Variants in ADAM22 observed in about 807,000 individuals in gnomAD.
ADAM22 encodes the protein ADAM metallopeptidase domain 22.
ADAM22 carries 65 observed loss-of-function variants against 144.6 expected under a neutral mutation model. That is an observed-to-expected ratio of 0.45 (90% CI 0.37 to 0.55). The LOEUF (loss-of-function observed/expected upper bound fraction) is 0.55, where lower values mean the gene tolerates loss of function less well. ADAM22 is among the 20% of genes least tolerant of loss of function. The pLI, the probability that ADAM22 is intolerant of heterozygous loss-of-function variation, is 0.00. For missense variants in ADAM22, 974 were observed against 1,184.9 expected (o/e 0.82, Z 2.61); for synonymous variants, 391 against 412.6 (o/e 0.95, Z 0.63).
At position 88,202,178 on chromosome 7, in the gene ADAM22, A is replaced by C. The variant is rs1384426861; in HGVS notation, c.*5687A>C. The C allele has an allele frequency of 3.3e-5, 5 of 152,222 alleles. No individual in the cohort carries two copies. The highest frequency in any genetic ancestry group is 5.9e-5 in the Non-Finnish European group (4 of 68,034). 9.4% of individuals were successfully genotyped at this position (152,222 alleles called of 1,614,324 possible). ...TCTGATTCTACAACCAGTCTTTTTA[A>C]AGGGCAAAAATGACTCAACACCTTT... On this transcript the variant is annotated 3_prime_UTR_variant, in exon 32 of 32. Coordinates refer to ENST00000413139, the MANE Select transcript of ADAM22 (RefSeq NM_001324418.2).
At chr7:87,989,522 T>C (rs1436978160) in intron 3 of ADAM22, among the ~76,000 whole-genome samples, 2 of 152,204 alleles carry the variant, frequency 1.3e-5, no homozygotes, top group African/African-American at 2.4e-5. Context: ...CTGTATAGTA[T>C]TCATACTCAT....
intron 3 of ADAM22, among the ~76,000 whole-genome samples, chr7:87,992,491 G>C (rs1790143173): frequency 6.6e-6 from 1 of 152,208 alleles, no homozygotes; most frequent in African/African-American, 2.4e-5. Flanking sequence ...TTTGATAGCA[G>C]TATGGAAGTT....
At chr7:87,961,827 C>A (rs895061365) in intron 2 of ADAM22, among the ~76,000 whole-genome samples, 26 of 152,132 alleles carry the variant, frequency 1.7e-4, no homozygotes, top group Non-Finnish European at 3.4e-4. Flanking sequence ...GATGATTCAG[C>A]ATTGGAACAG....
Position 88,175,547 on chromosome 7 carries a change from A to AT in ADAM22, c.2301-3387dup, listed in dbSNP as rs1279420859. Among the ~76,000 whole-genome samples the AT allele has an allele frequency of 3.3e-5, 5 of 152,208 alleles. No homozygotes were observed. The East Asian group carries it at 9.6e-4, about 29-fold the overall frequency. On this transcript the variant is annotated intron_variant, in intron 26 of 31. Transcript: ENST00000413139. Reference sequence around the variant, plus strand: ...TTTGAGGGGGAAAAAAACTAGTTACATAAGTGTTTATTATATTTTGGCTAT... The same window carrying AT: ...TTTGAGGGGGAAAAAAACTAGTTACATTAAGTGTTTATTATATTTTGGCTAT...
intron 22 of ADAM22, among the ~76,000 whole-genome samples, chr7:88,159,860 C>T (rs1253043056): frequency 6.6e-6 from 1 of 152,152 alleles, no homozygotes. Context: ...AAGATGTCCT[C>T]TCTCACCACT....
At chr7:87,997,881 C>G (rs906087354) in intron 3 of ADAM22, among the ~76,000 whole-genome samples, 1 of 152,198 alleles carries the variant, frequency 6.6e-6, no homozygotes, top group Non-Finnish European at 1.5e-5. Flanking sequence ...TTGACTCACA[C>G]AATCATAAGG....
At chr7:88,182,279 A>G (rs1423704085) in intron 29 of ADAM22, among the ~76,000 whole-genome samples, 1 of 152,126 alleles carries the variant, frequency 6.6e-6, no homozygotes, top group Non-Finnish European at 1.5e-5. Context: ...GTCACCTGCC[A>G]TTGTGGGGTC....
At chr7:88,021,904 G>T (rs1398510930) in intron 3 of ADAM22, among the ~76,000 whole-genome samples, 1 of 150,736 alleles carries the variant, frequency 6.6e-6, no homozygotes, top group African/African-American at 2.4e-5. Flanking sequence ...ACAGGGTCTC[G>T]CTCTGTCGCT....
intron 3 of ADAM22, among the ~76,000 whole-genome samples, chr7:88,003,470 A>G (rs902658102): frequency 1.3e-5 from 2 of 152,250 alleles, no homozygotes; most frequent in Admixed American, 1.3e-4. Context: ...ATTAGAAAAT[A>G]GAGTGAATTT....
At chr7:88,039,530 A>G (rs1266046470) in intron 3 of ADAM22, among the ~76,000 whole-genome samples, 2 of 145,516 alleles carry the variant, frequency 1.4e-5, no homozygotes, top group African/African-American at 5.0e-5. Context: ...TTTTGTTTCT[A>G]TATCTTTCCA....
intron 4 of ADAM22, among the ~76,000 whole-genome samples, chr7:88,104,364 A>G (rs146747517): frequency 1.7e-4 from 26 of 152,262 alleles, no homozygotes; most frequent in African/African-American, 6.0e-4. Context: ...TTGGCATGGT[A>G]CACAAAATGT....
At position 88,197,162 on chromosome 7, in the gene ADAM22, A is replaced by G. The variant is rs1359248652; in HGVS notation, c.*671A>G. The G allele has an allele frequency of 1.3e-5, 2 of 152,284 alleles. No individual in the cohort carries two copies. Among genetic ancestry groups the G allele is most frequent in the Non-Finnish European group, 2.9e-5 (2 of 68,074 alleles). 9.4% of individuals were successfully genotyped at this position (152,284 alleles called of 1,614,324 possible). ...AAATGCAGCTGTTACACACAAGTGT[A>G]TTTTGCCAAATGCCTAAAAATTCCG... On this transcript the variant is annotated 3_prime_UTR_variant, in exon 32 of 32. Coordinates refer to ENST00000413139, the MANE Select transcript of ADAM22 (RefSeq NM_001324418.2).
At chr7:87,998,278 A>C (rs1038550924) in intron 3 of ADAM22, among the ~76,000 whole-genome samples, 3 of 152,152 alleles carry the variant, frequency 2.0e-5, no homozygotes, top group African/African-American at 7.2e-5. Flanking sequence ...CCTTACAGAC[A>C]CACCCAGGAA....
At chr7:88,021,602 T>G (rs1006161942) in intron 3 of ADAM22, among the ~76,000 whole-genome samples, 2 of 152,218 alleles carry the variant, frequency 1.3e-5, no homozygotes, top group Non-Finnish European at 2.9e-5. Flanking sequence ...ATTGGCTGTT[T>G]TCAGACAAGT....
chr7:88,057,250 A>C (rs1037775669), intron 3 of ADAM22, among the ~76,000 whole-genome samples: 3 of 152,116 alleles, frequency 2.0e-5, no homozygotes, highest in East Asian at 3.9e-4. Flanking sequence ...ATGAGCCACC[A>C]TGCCTGGCCA....
chr7:88,002,702 A>T (rs1220575667), intron 3 of ADAM22, among the ~76,000 whole-genome samples: 3 of 152,246 alleles, frequency 2.0e-5, no homozygotes, highest in African/African-American at 7.2e-5. Flanking sequence ...ACAGATCAGT[A>T]CAAGGATCTG....
intron 3 of ADAM22, among the ~76,000 whole-genome samples, chr7:88,057,568 A>G (rs1448604987): frequency 1.3e-5 from 2 of 152,182 alleles, no homozygotes; most frequent in African/African-American, 2.4e-5. Flanking sequence ...TCATCTGACT[A>G]TTTAGTTCTG....
At chr7:88,081,407 A>C (rs1816582868) in intron 4 of ADAM22, among the ~76,000 whole-genome samples, 1 of 152,252 alleles carries the variant, frequency 6.6e-6, no homozygotes, top group African/African-American at 2.4e-5. Flanking sequence ...AGAAACTGGA[A>C]GCATTCCCTT....
rs1183548990 is a variant in ADAM22 at position 88,198,366 on chromosome 7, A to C, written c.*1875A>C. ...ATGATCCAAAATTACATAATGTAAA[A>C]CAGCATTTTTCATGACAGGAAGGGA... On this transcript the variant is annotated 3_prime_UTR_variant, in exon 32 of 32. Transcript: ENST00000413139. 6.6e-6 allele frequency: 1 copy of C among 152,226 alleles called. No individual in the cohort carries two copies. The highest frequency in any genetic ancestry group is 2.4e-5 in the African/African-American group (1 of 41,450). The allele number at this position is 152,226 out of a possible 1,614,324, so 9.4% of individuals were successfully genotyped here. A position where few individuals can be genotyped will look rare whatever the true frequency, so the allele number is the denominator to read the frequency against.
Sources: gnomAD v4.1 joint callset for allele counts (sites outside exome capture counted in the v4.1 genomes callset) on GRCh38, gnomAD v4.1.1 for gene constraint, MANE v1.5 for transcripts, NCBI Gene and HGNC (gene_info 2026-07-23, HGNC 2026-07-21) for gene names.